Variants in GPR149 observed in about 807,000 individuals in gnomAD.
GPR149 encodes the protein probable G protein-coupled receptor 149.
Under a neutral mutation model 50.2 loss-of-function variants are expected in GPR149, and 50 were observed. The observed-to-expected ratio is 1.00, with a 90% CI of 0.79 to 1.26. The LOEUF is 1.26. GPR149 is among the 50% of genes most tolerant of loss of function. The pLI, the probability that GPR149 is intolerant of heterozygous loss-of-function variation, is 0.00. For missense variants in GPR149, 983 were observed against 895.4 expected, an observed-to-expected ratio of 1.10 and a Z score of -1.25; for synonymous variants, 405 against 358.2, an observed-to-expected ratio of 1.13 and a Z score of -1.48.
chr3:154,344,985 CT>C (rs1399379403), intron 3 of GPR149, among the ~76,000 whole-genome samples: 1 of 152,230 alleles, frequency 6.6e-6, no homozygotes, highest in African/African-American at 2.4e-5. Context: ...AACAGACCAT[CT>C]TTTTCTGGAC....
intron 3 of GPR149, among the ~76,000 whole-genome samples, chr3:154,376,797 A>G (rs571160463): frequency 6.6e-6 from 1 of 152,276 alleles, no homozygotes; most frequent in South Asian, 2.1e-4. Context: ...CTCAGTGGTT[A>G]AGAGGTTGGG....
rs773323250 is a variant in GPR149 at position 154,337,654 on chromosome 3, T to C, written c.*45A>G. On this transcript the variant is annotated 3_prime_UTR_variant, in exon 4 of 4. Coordinates refer to ENST00000389740, the MANE Select transcript of GPR149 (RefSeq NM_001038705.3). ...CATAACAAAGGTGTTAGTTTCACAG[T>C]TGACGTTGCAGATCCATTCTTGCTC... 2.2e-6 allele frequency: 3 copies of C among 1,358,102 alleles called. No individual in the cohort carries two copies. Among genetic ancestry groups the C allele is most frequent in the Admixed American group, 2.2e-5 (1 of 45,058 alleles). The allele number at this position is 1,358,102 out of a possible 1,614,324, so 84.1% of individuals were successfully genotyped here.
intron 3 of GPR149, among the ~76,000 whole-genome samples, chr3:154,355,429 C>T (rs1359668380): frequency 6.6e-6 from 1 of 152,130 alleles, no homozygotes. Context: ...GCAATAAATC[C>T]TTAGGGAATT....
At chr3:154,360,053 A>G (rs1246492280) in intron 3 of GPR149, among the ~76,000 whole-genome samples, 1 of 152,180 alleles carries the variant, frequency 6.6e-6, no homozygotes, top group Non-Finnish European at 1.5e-5. Flanking sequence ...CAGAAACAAA[A>G]GATTCATCCA....
intron 3 of GPR149, among the ~76,000 whole-genome samples, chr3:154,381,061 A>T (rs1007058573): frequency 6.6e-6 from 1 of 152,254 alleles, no homozygotes; most frequent in Non-Finnish European, 1.5e-5. Flanking sequence ...GAAACAGGAC[A>T]TCATTAGATA....
At position 154,421,497 on chromosome 3, in the gene GPR149, A is replaced by C. The variant is rs773767272; in HGVS notation, c.1175-10T>G. The C allele has an allele frequency of 5.5e-5, 80 of 1,459,408 alleles. No homozygotes were observed. The highest frequency in any genetic ancestry group is 5.6e-5 in the Non-Finnish European group (60 of 1,080,602). 90.4% of individuals were successfully genotyped at this position (1,459,408 alleles called of 1,614,324 possible). A position where few individuals can be genotyped will look rare whatever the true frequency, so the allele number is the denominator to read the frequency against. On this transcript the variant is annotated splice_polypyrimidine_tract_variant and intron_variant, in intron 2 of 3. Coordinates refer to ENST00000389740, the MANE Select transcript of GPR149 (RefSeq NM_001038705.3). ...AAGCCTTTTCTCTTGACTGAGTAAA[A>C]ATAAAAACAACAGTTTATGGCTAGT...
At chr3:154,364,988 C>T (rs1714496017) in intron 3 of GPR149, among the ~76,000 whole-genome samples, 1 of 152,154 alleles carries the variant, frequency 6.6e-6, no homozygotes, top group South Asian at 2.1e-4. Flanking sequence ...TTTGCAGTGG[C>T]CCCACCCCAT....
chr3:154,356,303 T>C (rs921866794), intron 3 of GPR149, among the ~76,000 whole-genome samples: 8 of 152,172 alleles, frequency 5.3e-5, no homozygotes, highest in African/African-American at 1.9e-4. Flanking sequence ...TGTGAGTCAC[T>C]GAATTTGAAT....
At chr3:154,356,752 C>A (rs1289518825) in intron 3 of GPR149, among the ~76,000 whole-genome samples, 1 of 152,108 alleles carries the variant, frequency 6.6e-6, no homozygotes, top group Non-Finnish European at 1.5e-5. Flanking sequence ...AATGGCCATA[C>A]TGCCCAAGGT....
chr3:154,399,476 T>G (rs1326275093), intron 3 of GPR149, among the ~76,000 whole-genome samples: 8 of 152,324 alleles, frequency 5.3e-5, no homozygotes, highest in African/African-American at 1.9e-4. Flanking sequence ...CATCACTTGG[T>G]GTAGTAAATA....
chr3:154,412,689 T>C (rs1396464163), intron 3 of GPR149, among the ~76,000 whole-genome samples: 1 of 152,070 alleles, frequency 6.6e-6, no homozygotes, highest in Non-Finnish European at 1.5e-5. Context: ...CATGCTCATG[T>C]ATGGGTAGAA....
chr3:154,359,630 G>C (rs1231028249), intron 3 of GPR149, among the ~76,000 whole-genome samples: 1 of 152,114 alleles, frequency 6.6e-6, no homozygotes, highest in African/African-American at 2.4e-5. Flanking sequence ...GTCCTACTTT[G>C]CTGGCTAGAC....
chr3:154,416,171 CT>C (rs1247552051), intron 3 of GPR149, among the ~76,000 whole-genome samples: 1 of 151,848 alleles, frequency 6.6e-6, no homozygotes, highest in Non-Finnish European at 1.5e-5. Context: ...TGAGTATTTT[CT>C]TCCAGCCTTA....
At chr3:154,363,042 A>C (rs12491326) in intron 3 of GPR149, among the ~76,000 whole-genome samples, 22,773 of 152,134 alleles carry the variant, frequency 0.15, 2,221 homozygotes, top group East Asian at 0.47. Context: ...TGTAGAAAGA[A>C]AGAGCATGGC....
At chr3:154,354,549 C>T (rs1164158257) in intron 3 of GPR149, among the ~76,000 whole-genome samples, 1 of 151,948 alleles carries the variant, frequency 6.6e-6, no homozygotes, top group Non-Finnish European at 1.5e-5. Context: ...CTGAGTGTTT[C>T]AGGATTTTTT....
rs573954824 is a variant in GPR149 at position 154,355,397 on chromosome 3, G to A, written c.1624-17126C>T. The stretch of plus-strand genomic sequence containing the variant: ...ATACTTTTTAGCCCTGTGTGAATCC[G>A]TGTGTACAATCATCACAGACTGCAA... On this transcript the variant is annotated intron_variant, in intron 3 of 3. Coordinates refer to ENST00000389740, the MANE Select transcript of GPR149 (RefSeq NM_001038705.3). Among the ~76,000 whole-genome samples the A allele has an allele frequency of 5.9e-5, 9 of 152,254 alleles. No individual in the cohort carries two copies. The East Asian group carries it at 7.7e-4, about 13-fold the overall frequency.
At chr3:154,345,804 A>G (rs971909666) in intron 3 of GPR149, among the ~76,000 whole-genome samples, 9 of 152,150 alleles carry the variant, frequency 5.9e-5, no homozygotes, top group African/African-American at 2.2e-4. Flanking sequence ...CAATTTTAGA[A>G]AGACATTATA....
rs1193220470 is a variant in GPR149, at chr3:154,365,151, G to T, written c.1624-26880C>A. 2.6e-5 allele frequency among the ~76,000 whole-genome samples: 4 copies of T among 152,168 alleles called. No individual in the cohort carries two copies. In the East Asian group the frequency reaches 5.8e-4, roughly 22 times the overall value. ...CACAGCTTGTGTACTTTGCATGCTT[G>T]CAATCTTAGCACCACTTCAATGATG... On this transcript the variant is annotated intron_variant, in intron 3 of 3. Transcript: ENST00000389740.
intron 3 of GPR149, among the ~76,000 whole-genome samples, chr3:154,357,040 C>T (rs1232603227): frequency 1.3e-5 from 2 of 152,108 alleles, no homozygotes; most frequent in Non-Finnish European, 2.9e-5. Flanking sequence ...TATTTACAGC[C>T]ATCTGATCTT....
Sources: gnomAD v4.1 joint callset for allele counts (sites outside exome capture counted in the v4.1 genomes callset) on GRCh38, gnomAD v4.1.1 for gene constraint, MANE v1.5 for transcripts, NCBI Gene and HGNC (gene_info 2026-07-23, HGNC 2026-07-21) for gene names.